Variants in LTBP2 observed in about 807,000 individuals in gnomAD.
LTBP2 encodes latent transforming growth factor beta binding protein 2, also known as latent-transforming growth factor beta-binding protein 2.
A neutral mutation model predicts 210.6 loss-of-function variants in LTBP2; 103 were observed. The observed-to-expected ratio is 0.49, with a 90% CI of 0.42 to 0.58. LTBP2 has a LOEUF of 0.58. Among genes scored for constraint, LTBP2 ranks in the 20% least tolerant of loss-of-function variants. The pLI, the probability that LTBP2 is intolerant of heterozygous loss-of-function variation, is 0.00. For synonymous variants in LTBP2, 1,007 were observed against 1,015.0 expected (o/e 0.99, Z 0.15); for missense variants, 2,313 against 2,494.5 (o/e 0.93, Z 1.55).
At chr14:74,531,443 A>G (rs1468461884) in intron 10 of LTBP2, among the ~76,000 whole-genome samples, 1 of 152,196 alleles carries the variant, frequency 6.6e-6, no homozygotes, top group Non-Finnish European at 1.5e-5. Flanking sequence ...CAAGGCCTTG[A>G]TCACCTGCCA....
chr14:74,579,338 C>A (rs987370964), intron 3 of LTBP2, among the ~76,000 whole-genome samples: 1 of 152,188 alleles, frequency 6.6e-6, no homozygotes, highest in Non-Finnish European at 1.5e-5. Flanking sequence ...TTAGAGAGAC[C>A]ACCGACTTGG....
intron 3 of LTBP2, among the ~76,000 whole-genome samples, chr14:74,557,359 T>C (rs1184778893): frequency 6.6e-6 from 1 of 152,222 alleles, no homozygotes; most frequent in Non-Finnish European, 1.5e-5. Flanking sequence ...CACACACTGG[T>C]GTATTGCTTT....
At chr14:74,602,218 C>T (rs79300315) in intron 2 of LTBP2, among the ~76,000 whole-genome samples, 21 of 152,162 alleles carry the variant, frequency 1.4e-4, no homozygotes, top group African/African-American at 4.6e-4. Flanking sequence ...AGAGCTTGGC[C>T]GTGTTTCCCA....
intron 9 of LTBP2, among the ~76,000 whole-genome samples, chr14:74,534,560 C>T (rs896089375): frequency 6.6e-6 from 1 of 152,190 alleles, no homozygotes; most frequent in African/African-American, 2.4e-5. Flanking sequence ...ACCATGGGAT[C>T]CTGTAGCACT....
rs748010335 is a variant in LTBP2 at position 74,525,156 on chromosome 14, G to A, written c.2498C>T (p.Ser833Phe). The A allele has an allele frequency of 1.5e-6, 2 of 1,332,760 alleles. No individual in the cohort carries two copies. Among genetic ancestry groups the A allele is most frequent in the Middle Eastern group, 2.0e-4 (1 of 4,980 alleles). 82.6% of individuals were successfully genotyped at this position (1,332,760 alleles called of 1,614,324 possible). A position where few individuals can be genotyped will look rare whatever the true frequency, so the allele number is the denominator to read the frequency against. Residue 833 changes from serine to phenylalanine, a missense_variant, in exon 15 of 36, where the codon TCC becomes TTC. This residue lies in a region of LTBP2 where 1,867 missense variants were observed against 1,976.9 expected (regional missense o/e 0.94). Coordinates refer to ENST00000261978, the MANE Select transcript of LTBP2 (RefSeq NM_000428.3). Reference sequence around the variant, plus strand: ...GCTCAGGGTCACCAGCACATCAGTGGAGGGGGTCACTTGTTCTTCCTGTAT... The same window carrying A: ...GCTCAGGGTCACCAGCACATCAGTGAAGGGGGTCACTTGTTCTTCCTGTAT... ...AEIQEEQVTP[S>F]TDVLVTLSTP...
chr14:74,564,149 A>T (rs867843871), intron 3 of LTBP2, among the ~76,000 whole-genome samples: 15 of 20,628 alleles, frequency 7.3e-4, no homozygotes, highest in Middle Eastern at 0.042. Flanking sequence ...ATATATATAT[A>T]TTTATATATA....
intron 8 of LTBP2, among the ~76,000 whole-genome samples, chr14:74,538,444 A>G (rs1294320227): frequency 6.6e-6 from 1 of 152,124 alleles, no homozygotes; most frequent in African/African-American, 2.4e-5. Context: ...GACTAGTGTC[A>G]TTTTGCATCC....
At chr14:74,556,936 A>G (rs1450473142) in intron 3 of LTBP2, among the ~76,000 whole-genome samples, 1 of 152,216 alleles carries the variant, frequency 6.6e-6, no homozygotes, top group African/African-American at 2.4e-5. Context: ...TATTTGAAAA[A>G]ATGTTATAGG....
chr14:74,548,752 T>C (rs2087610194), intron 8 of LTBP2, among the ~76,000 whole-genome samples: 1 of 152,172 alleles, frequency 6.6e-6, no homozygotes, highest in Non-Finnish European at 1.5e-5. Flanking sequence ...ACTAAGCATG[T>C]GCATCATTTC....
chr14:74,517,053 G>T, intron 17 of LTBP2, 112 bp from the exon 18 acceptor site: 1 of 1,382,362 alleles, frequency 7.2e-7, no homozygotes, highest in Non-Finnish European at 9.9e-7. Context: ...GCCATGCTGA[G>T]GCCTGGGCAG....
chr14:74,601,076 G>T (rs1355744730), intron 2 of LTBP2, among the ~76,000 whole-genome samples: 7 of 152,174 alleles, frequency 4.6e-5, no homozygotes, highest in Non-Finnish European at 8.8e-5. Context: ...AAAAATTACA[G>T]TGCCAGGCCC....
Position 74,611,435 on chromosome 14 carries a change from C to T in LTBP2, c.494+16G>A. The stretch of plus-strand genomic sequence containing the variant: ...CTCCCCTCTGTACCCTCCAAACTTC[C>T]CTCTCCCATGCTCACCCCGTGAGCC... On this transcript the variant is annotated intron_variant, in intron 1 of 35. Transcript: ENST00000261978. The T allele has an allele frequency of 2.7e-6, 4 of 1,476,224 alleles. No individual in the cohort carries two copies. The highest frequency in any genetic ancestry group is 3.6e-6 in the Non-Finnish European group (4 of 1,125,450). The allele number at this position is 1,476,224 out of a possible 1,614,324, so 91.4% of individuals were successfully genotyped here. A position where few individuals can be genotyped will look rare whatever the true frequency, so the allele number is the denominator to read the frequency against.
chr14:74,541,014 T>C (rs2087501452), intron 8 of LTBP2, among the ~76,000 whole-genome samples: 1 of 148,060 alleles, frequency 6.8e-6, no homozygotes, highest in South Asian at 2.1e-4. Context: ...GATGGCCATA[T>C]GGCTCAGGGT....
Position 74,586,162 on chromosome 14 carries a change from C to A in LTBP2, c.566-44G>T. ...AGGTGACAGCAGTGGCCATAGGGCA[C>A]TGAGACCACAGCTGCCCACACCTTC... On this transcript the variant is annotated intron_variant, in intron 2 of 35. Transcript: ENST00000261978. The surrounding 1 kb of genome is among the most constrained non-coding windows in gnomAD (Gnocchi z 4.6). 1 of 1,564,382 alleles carries A rather than the reference C, an allele frequency of 6.4e-7. No individual in the cohort carries two copies.
chr14:74,521,820 G>A, intron 17 of LTBP2, 91 bp downstream of exon 17: 1 of 1,541,154 alleles, frequency 6.5e-7, no homozygotes, highest in East Asian at 2.3e-5. Flanking sequence ...CCATTCTGCG[G>A]CACGGTGTTT....
intron 24 of LTBP2, 147 bp from the exon 25 acceptor site, chr14:74,508,242 G>C (rs1243421462): frequency 1.0e-6 from 1 of 1,004,246 alleles, no homozygotes; most frequent in Non-Finnish European, 1.5e-6. Context: ...AGGCCAGGCT[G>C]TGGGAGGTGG....
intron 4 of LTBP2, 26 bp from the exon 5 acceptor site, chr14:74,553,088 G>C: frequency 6.2e-7 from 1 of 1,612,892 alleles, no homozygotes; most frequent in African/African-American, 1.3e-5. Flanking sequence ...TTGGGTCCAG[G>C]GGGCAGGGCT....
intron 1 of LTBP2, among the ~76,000 whole-genome samples, chr14:74,604,647 C>A (rs2088499654): frequency 1.3e-5 from 2 of 151,932 alleles, no homozygotes; most frequent in South Asian, 4.2e-4. Context: ...GCCACCATGC[C>A]TGGCTAATTT....
At chr14:74,596,671 G>C (rs1047456535) in intron 2 of LTBP2, among the ~76,000 whole-genome samples, 1 of 152,234 alleles carries the variant, frequency 6.6e-6, no homozygotes, top group African/African-American at 2.4e-5. Context: ...GAAGCAGGCA[G>C]GTCCACGAGG....
Sources: allele counts gnomAD v4.1 joint callset (sites outside exome capture counted in the v4.1 genomes callset), GRCh38; gene constraint gnomAD v4.1.1; regional missense constraint gnomAD v4.1.1; non-coding constraint Gnocchi (gnomAD v3.1); transcripts MANE v1.5; gene names NCBI Gene and HGNC (gene_info 2026-07-23, HGNC 2026-07-21).